Variants in ZNF277 observed in about 807,000 individuals in gnomAD.
ZNF277 encodes the protein nuclear receptor-interacting factor 4.
A neutral mutation model predicts 60.7 loss-of-function variants in ZNF277; 55 were observed. That is an observed-to-expected ratio of 0.91 (90% CI 0.73 to 1.13). The LOEUF (loss-of-function observed/expected upper bound fraction) is 1.13, where lower values mean the gene tolerates loss of function less well. ZNF277 is among the 50% of genes most tolerant of loss of function. The pLI, the probability that ZNF277 is intolerant of heterozygous loss-of-function variation, is 0.00. For missense variants in ZNF277, 510 were observed against 523.0 expected (o/e 0.98, Z 0.24); for synonymous variants, 178 against 179.3 (o/e 0.99, Z 0.06).
At chr7:112,274,498 T>G (rs1480104142) in intron 1 of ZNF277, among the ~76,000 whole-genome samples, 1 of 152,196 alleles carries the variant, frequency 6.6e-6, no homozygotes, top group African/African-American at 2.4e-5. Context: ...ATTCTTTATC[T>G]GTTCCATAAA....
At chr7:112,245,717 G>A (rs1791067753) in intron 1 of ZNF277, among the ~76,000 whole-genome samples, 1 of 152,094 alleles carries the variant, frequency 6.6e-6, no homozygotes, top group Non-Finnish European at 1.5e-5. Context: ...TCCTTTATGT[G>A]TGTGTCTCTG....
intron 1 of ZNF277, among the ~76,000 whole-genome samples, chr7:112,225,459 C>A (rs1029600129): frequency 6.6e-6 from 1 of 152,130 alleles, no homozygotes; most frequent in Non-Finnish European, 1.5e-5. Context: ...GATCCCTGTT[C>A]TTGATTATTT....
At chr7:112,223,025 C>T (rs1430502159) in intron 1 of ZNF277, among the ~76,000 whole-genome samples, 3 of 152,214 alleles carry the variant, frequency 2.0e-5, no homozygotes, top group South Asian at 2.1e-4. Flanking sequence ...TTTTGGAACT[C>T]GGACTGGTTC....
chr7:112,210,534 C>T (rs574791183), intron 1 of ZNF277, among the ~76,000 whole-genome samples: 14 of 150,032 alleles, frequency 9.3e-5, no homozygotes, highest in African/African-American at 2.7e-4. Context: ...TGGAGTGGCA[C>T]GATCTCAGCT....
At chr7:112,275,722 G>T (rs980481634) in intron 1 of ZNF277, among the ~76,000 whole-genome samples, 10 of 151,884 alleles carry the variant, frequency 6.6e-5, no homozygotes, top group African/African-American at 2.4e-4. Flanking sequence ...CGTTGTTACT[G>T]TTGCATTATT....
intron 1 of ZNF277, among the ~76,000 whole-genome samples, chr7:112,244,607 C>CA (rs959526770): frequency 2.0e-5 from 3 of 151,452 alleles, no homozygotes; most frequent in South Asian, 4.2e-4. Flanking sequence ...ATAAAAAGAG[C>CA]AAAAAAAAGT....
intron 1 of ZNF277, among the ~76,000 whole-genome samples, chr7:112,277,170 G>T (rs567714167): frequency 7.2e-6 from 1 of 138,142 alleles, no homozygotes; most frequent in Non-Finnish European, 1.5e-5. Context: ...TGCAAGCTCC[G>T]CCTCCCAGGT....
chr7:112,315,021 T>A (rs1792813396), intron 4 of ZNF277, among the ~76,000 whole-genome samples: 1 of 152,114 alleles, frequency 6.6e-6, no homozygotes, highest in Non-Finnish European at 1.5e-5. Flanking sequence ...TCCATCCCTC[T>A]GGGCATGCAT....
intron 1 of ZNF277, among the ~76,000 whole-genome samples, chr7:112,226,138 A>G (rs1166507217): frequency 6.6e-6 from 1 of 152,210 alleles, no homozygotes; most frequent in African/African-American, 2.4e-5. Flanking sequence ...TTATTTATTA[A>G]GAATGTTACC....
intron 1 of ZNF277, among the ~76,000 whole-genome samples, chr7:112,254,997 CA>C (rs944167823): frequency 2.6e-5 from 4 of 151,274 alleles, no homozygotes; most frequent in South Asian, 2.1e-4. Flanking sequence ...AACAAACAAA[CA>C]AAAAAAACAA....
intron 7 of ZNF277, among the ~76,000 whole-genome samples, chr7:112,332,423 C>T (rs528425071): frequency 6.6e-6 from 1 of 152,248 alleles, no homozygotes; most frequent in East Asian, 1.9e-4. Flanking sequence ...TCCTGTGCAT[C>T]AGTTTCCTTC....
At chr7:112,324,599 A>G (rs1182527667) in intron 5 of ZNF277, among the ~76,000 whole-genome samples, 1 of 152,166 alleles carries the variant, frequency 6.6e-6, no homozygotes, top group Non-Finnish European at 1.5e-5. Flanking sequence ...CCCTTTACCA[A>G]CCAGCAACTG....
intron 1 of ZNF277, among the ~76,000 whole-genome samples, chr7:112,286,345 G>T (rs1229545771): frequency 6.6e-6 from 1 of 152,208 alleles, no homozygotes; most frequent in East Asian, 1.9e-4. Context: ...TGTCTACCCA[G>T]CGTGAGAGCT....
intron 1 of ZNF277, among the ~76,000 whole-genome samples, chr7:112,229,849 CAA>C (rs1822275494): frequency 6.6e-6 from 1 of 152,194 alleles, no homozygotes; most frequent in Non-Finnish European, 1.5e-5. Context: ...GTAGGCTTCA[CAA>C]AGAGATAATT....
At position 112,246,402 on chromosome 7, in the gene ZNF277, C is replaced by G. The variant is rs559634451; in HGVS notation, c.91+39595C>G. Among the ~76,000 whole-genome samples the G allele has an allele frequency of 3.1e-4, 47 of 152,150 alleles. 1 individual carries two copies. The South Asian group carries it at 7.5e-3, about 24-fold the overall frequency. On this transcript the variant is annotated intron_variant, in intron 1 of 11. Coordinates refer to ENST00000361822, the MANE Select transcript of ZNF277 (RefSeq NM_021994.3). ...AGCAAGACCCTATCTCAAAAACAAA[C>G]AAACAAAACAAAACCCAACCAAGGT...
intron 1 of ZNF277, among the ~76,000 whole-genome samples, chr7:112,282,800 C>G (rs1262866873): frequency 6.6e-6 from 1 of 152,216 alleles, no homozygotes; most frequent in African/African-American, 2.4e-5. Flanking sequence ...GTAAGCAAGA[C>G]TGGTTGGATT....
intron 1 of ZNF277, among the ~76,000 whole-genome samples, chr7:112,245,450 T>C (rs1208670969): frequency 6.6e-6 from 1 of 152,216 alleles, no homozygotes; most frequent in African/African-American, 2.4e-5. Flanking sequence ...ATGGTTGTTG[T>C]GGATACGTTC....
At chr7:112,206,859 C>T (rs1196895549) in intron 1 of ZNF277, 52 bp downstream of exon 1, 5 of 1,573,648 alleles carry the variant, frequency 3.2e-6, no homozygotes, top group Non-Finnish European at 3.5e-6. Flanking sequence ...TTCTCTATGA[C>T]CGGGTGTGCA....
chr7:112,307,565 C>G (rs1165732501), intron 4 of ZNF277, among the ~76,000 whole-genome samples: 1 of 151,920 alleles, frequency 6.6e-6, no homozygotes, highest in Non-Finnish European at 1.5e-5. Context: ...TAGGCGTGCA[C>G]CAGCATGCCT....
Sources: gnomAD v4.1 joint callset for allele counts (sites outside exome capture counted in the v4.1 genomes callset) on GRCh38, gnomAD v4.1.1 for gene constraint, MANE v1.5 for transcripts, NCBI Gene and HGNC (gene_info 2026-07-23, HGNC 2026-07-21) for gene names.